MECOM: variants seen among roughly 807,000 people sequenced by gnomAD.
The protein encoded by MECOM is histone-lysine N-methyltransferase MECOM.
In MECOM, 13 loss-of-function variants were observed where a neutral mutation model predicts 116.3. That is an observed-to-expected ratio of 0.11 (90% CI 0.07 to 0.18). MECOM has a LOEUF of 0.18. Among genes scored for constraint, MECOM ranks in the 10% least tolerant of loss-of-function variants. MECOM has a pLI of 1.00. For synonymous variants in MECOM, 528 were observed against 535.2 expected, an observed-to-expected ratio of 0.99 and a Z score of 0.19; for missense variants, 1,299 against 1,509.0, an observed-to-expected ratio of 0.86 and a Z score of 2.31.
chr3:169,423,613 T>C (rs1028953238), intron 1 of MECOM, among the ~76,000 whole-genome samples: 5 of 152,114 alleles, frequency 3.3e-5, no homozygotes, highest in African/African-American at 1.2e-4. Flanking sequence ...CCTTGGTAGA[T>C]ATCTTTGAAA....
chr3:169,645,502 GA>G (rs890622307), intron 1 of MECOM, among the ~76,000 whole-genome samples: 4 of 152,156 alleles, frequency 2.6e-5, no homozygotes, highest in Non-Finnish European at 5.9e-5. Context: ...TTAATCTGAA[GA>G]AACATTATTG....
rs116463485 is a variant in MECOM at position 169,091,984 on chromosome 3, T to C, written c.3164+974A>G. On this transcript the variant is annotated intron_variant, in intron 14 of 16. Transcript: ENST00000651503. ...CAATGTAGCATCTGAATTTAATAGGTCACTATATAGTCGTGTTCAGAAAAG... is the reference window on the plus strand; with the variant it reads ...CAATGTAGCATCTGAATTTAATAGGCCACTATATAGTCGTGTTCAGAAAAG... Among the ~76,000 whole-genome samples, 1,246 of 152,194 alleles carry C rather than the reference T, an allele frequency of 8.2e-3. 18 individuals are homozygous for C. Among genetic ancestry groups the C allele is most frequent in the African/African-American group, 0.029 (1,206 of 41,546 alleles).
At chr3:169,645,382 T>C (rs1774041363) in intron 1 of MECOM, among the ~76,000 whole-genome samples, 1 of 152,238 alleles carries the variant, frequency 6.6e-6, no homozygotes, top group Non-Finnish European at 1.5e-5. Context: ...GAAACATTTA[T>C]GTCTGGAATT....
chr3:169,131,412 G>A lies in MECOM; in HGVS notation c.613+17C>T, dbSNP rs1292974194. The A allele has an allele frequency of 6.3e-7, 1 of 1,595,374 alleles. No homozygotes were observed. The highest frequency in any genetic ancestry group is 8.6e-7 in the Non-Finnish European group (1 of 1,163,070). ...CGATGATAAGGTGATAAGGAGGGTG[G>A]CGTGAGTGGTACTAACCGTGGATAT... On this transcript the variant is annotated intron_variant, in intron 4 of 16. Coordinates refer to ENST00000651503, the MANE Select transcript of MECOM (RefSeq NM_004991.4).
intron 3 of MECOM, among the ~76,000 whole-genome samples, chr3:169,139,503 C>A (rs1309809378): frequency 6.6e-6 from 1 of 152,094 alleles, no homozygotes; most frequent in African/African-American, 2.4e-5. Context: ...AGGCAGATTT[C>A]ATTTAAGTCT....
intron 1 of MECOM, among the ~76,000 whole-genome samples, chr3:169,481,453 C>T (rs1048477857): frequency 6.6e-6 from 1 of 151,708 alleles, no homozygotes; most frequent in Non-Finnish European, 1.5e-5. Flanking sequence ...CTTGGGAGCC[C>T]GAGGCAGGAG....
intron 1 of MECOM, among the ~76,000 whole-genome samples, chr3:169,660,299 C>T (rs893010108): frequency 2.0e-5 from 3 of 152,132 alleles, no homozygotes; most frequent in Non-Finnish European, 4.4e-5. Context: ...TGTCAATCTT[C>T]CTGCCTTTCA....
chr3:169,490,257 T>G lies in MECOM; in HGVS notation c.38-108733A>C, dbSNP rs79174991. ...GAAATTGAATCACTCTTATTAGGAG[T>G]GTAAAGTGTACAATCAACACGAGCT... On this transcript the variant is annotated intron_variant, in intron 1 of 16. Coordinates refer to ENST00000651503, the MANE Select transcript of MECOM (RefSeq NM_004991.4). 0.015 allele frequency among the ~76,000 whole-genome samples: 2,207 copies of G among 152,066 alleles called. 166 individuals are homozygous for G. The East Asian group carries it at 0.24, about 17-fold the overall frequency.
At chr3:169,593,396 A>C (rs1459054859) in intron 1 of MECOM, among the ~76,000 whole-genome samples, 1 of 152,186 alleles carries the variant, frequency 6.6e-6, no homozygotes, top group African/African-American at 2.4e-5. Context: ...CTAGACAAGA[A>C]CGCTGATGGA....
intron 1 of MECOM, among the ~76,000 whole-genome samples, chr3:169,585,398 T>C (rs1765665034): frequency 6.6e-6 from 1 of 152,242 alleles, no homozygotes. Flanking sequence ...AAAATAATTC[T>C]ATAAAAATAA....
At chr3:169,287,725 G>A (rs7642951) in intron 2 of MECOM, among the ~76,000 whole-genome samples, 7,184 of 152,042 alleles carry the variant, frequency 0.047, 580 homozygotes, top group African/African-American at 0.16. Context: ...AAGTGAGGCC[G>A]TAAAAAAATT....
intron 1 of MECOM, among the ~76,000 whole-genome samples, chr3:169,506,060 T>G (rs1414911598): frequency 6.6e-6 from 1 of 152,234 alleles, no homozygotes; most frequent in Admixed American, 6.5e-5. Context: ...GGCAAAATGT[T>G]GCCGTTCTGA....
intron 1 of MECOM, among the ~76,000 whole-genome samples, chr3:169,394,210 A>G (rs902435897): frequency 1.1e-4 from 16 of 152,210 alleles, no homozygotes; most frequent in Admixed American, 2.6e-4. Context: ...CAAAACATTA[A>G]TCATTTAGCC....
intron 2 of MECOM, among the ~76,000 whole-genome samples, chr3:169,164,219 A>G (rs1743238046): frequency 6.6e-6 from 1 of 152,072 alleles, no homozygotes; most frequent in Non-Finnish European, 1.5e-5. Flanking sequence ...TCTGTCCTGC[A>G]CCATCCTCAT....
chr3:169,461,779 T>A (rs181231726), intron 1 of MECOM, among the ~76,000 whole-genome samples: 75 of 152,272 alleles, frequency 4.9e-4, no homozygotes, highest in African/African-American at 1.7e-3. Context: ...TTCTTTAACC[T>A]TTATAGAAAG....
chr3:169,161,793 C>T (rs986511922), intron 2 of MECOM, among the ~76,000 whole-genome samples: 1 of 152,154 alleles, frequency 6.6e-6, no homozygotes, highest in East Asian at 1.9e-4. Context: ...CTCTCTCTCT[C>T]TCTCTCTCCC....
chr3:169,104,597 G>T (rs527424696), intron 10 of MECOM, among the ~76,000 whole-genome samples: 1 of 152,192 alleles, frequency 6.6e-6, no homozygotes, highest in East Asian at 1.9e-4. Flanking sequence ...TCATTATCTA[G>T]TGGTTTTAAA....
At chr3:169,461,623 A>T (rs977914351) in intron 1 of MECOM, among the ~76,000 whole-genome samples, 1 of 152,188 alleles carries the variant, frequency 6.6e-6, no homozygotes, top group Non-Finnish European at 1.5e-5. Context: ...GTCTAAAAAA[A>T]CAACAATAGA....
rs755251672 is a variant in MECOM at position 169,131,431 on chromosome 3, T to C, written c.611A>G (p.His204Arg). The change falls in exon 4 of 17, where the codon CAC becomes CGC. Residue 204 changes from histidine to arginine, a missense_variant and splice_region_variant. Coordinates refer to ENST00000651503, the MANE Select transcript of MECOM (RefSeq NM_004991.4). ...YPHETMAPDI[H>R]EERQYRCEDC... is the part of the protein sequence containing the mutation. ...AGGGTGGCGTGAGTGGTACTAACCG[T>C]GGATATCCGGCGCCATAGTTTCATG... The C allele has an allele frequency of 6.2e-7, 1 of 1,613,718 alleles. No homozygotes were observed. The highest frequency in any genetic ancestry group is 8.5e-7 in the Non-Finnish European group (1 of 1,179,704).
Sources: allele counts gnomAD v4.1 joint callset (sites outside exome capture counted in the v4.1 genomes callset), GRCh38; gene constraint gnomAD v4.1.1; transcripts MANE v1.5; gene names NCBI Gene and HGNC (gene_info 2026-07-23, HGNC 2026-07-21).